Variants in HDAC4 observed in about 807,000 individuals in gnomAD.
The protein encoded by HDAC4 is histone deacetylase 4, also known as histone deacetylase A.
A neutral mutation model predicts 135.1 loss-of-function variants in HDAC4; 16 were observed. The observed-to-expected ratio is 0.12, with a 90% CI of 0.08 to 0.18. The LOEUF (loss-of-function observed/expected upper bound fraction) is 0.18. HDAC4 is among the 10% of genes least tolerant of loss of function. HDAC4 has a pLI of 1.00. For synonymous variants in HDAC4, 685 were observed against 653.4 expected (o/e 1.05, Z -0.74); for missense variants, 1,143 against 1,511.8 (o/e 0.76, Z 4.05).
At position 239,051,667 on chromosome 2, in the gene HDAC4, T is replaced by A. The variant is rs1211123908; in HGVS notation, c.*1430A>T. 1 of 152,576 alleles carries A rather than the reference T, an allele frequency of 6.6e-6. No homozygotes were observed. Among genetic ancestry groups the A allele is most frequent in the Non-Finnish European group, 1.5e-5 (1 of 68,020 alleles). The allele number at this position is 152,576 out of a possible 1,614,324, so 9.5% of individuals were successfully genotyped here. On this transcript the variant is annotated 3_prime_UTR_variant, in exon 27 of 27. Transcript: ENST00000543185. ...CGGTTCTGTTAGAAAATAATTAAAATGAAAGTACAAACTTGTAGGGTAGTT... is the reference window on the plus strand; with the variant it reads ...CGGTTCTGTTAGAAAATAATTAAAAAGAAAGTACAAACTTGTAGGGTAGTT...
At chr2:239,149,002 G>A (rs187020587) in intron 7 of HDAC4, among the ~76,000 whole-genome samples, 94 of 152,326 alleles carry the variant, frequency 6.2e-4, no homozygotes, top group Non-Finnish European at 1.2e-3. Flanking sequence ...CGTGACACAC[G>A]CTGTAATAAC....
At chr2:239,387,974 C>CA in intron 1 of HDAC4, among the ~76,000 whole-genome samples, 1 of 152,306 alleles carries the variant, frequency 6.6e-6, no homozygotes, top group Admixed American at 6.5e-5. Context: ...CCACAGGTAT[C>CA]AGACGGGAGG....
At chr2:239,064,052 G>A (rs2106553211) in intron 24 of HDAC4, among the ~76,000 whole-genome samples, 1 of 152,338 alleles carries the variant, frequency 6.6e-6, no homozygotes, top group African/African-American at 2.4e-5. Flanking sequence ...CAGAGAGACG[G>A]AGCCTCGTAG....
At chr2:239,225,219 AAAT>A (rs1353187324) in intron 3 of HDAC4, among the ~76,000 whole-genome samples, 1 of 152,242 alleles carries the variant, frequency 6.6e-6, no homozygotes. Context: ...TTTACAAATT[AAAT>A]AATACAAATT....
rs141962238 is a variant in HDAC4, at chr2:239,108,614, T to G, written c.1979-431A>C. On this transcript the variant is annotated intron_variant, in intron 14 of 26. Coordinates refer to ENST00000543185, the MANE Select transcript of HDAC4 (RefSeq NM_001378414.1). ...ACTCTAGCCCCCTACCCTCAAAGTC[T>G]GCCTGGTCCTGGACCAATAGTAACT... Among the ~76,000 whole-genome samples the G allele has an allele frequency of 6.6e-3, 1,012 of 152,304 alleles. 10 individuals carry two copies. Among genetic ancestry groups the G allele is most frequent in the African/African-American group, 0.022 (930 of 41,568 alleles).
intron 5 of HDAC4, among the ~76,000 whole-genome samples, chr2:239,174,236 C>T (rs1021711602): frequency 3.3e-5 from 5 of 152,044 alleles, no homozygotes; most frequent in African/African-American, 1.2e-4. Flanking sequence ...AGTGAACAGG[C>T]AAAGTACAGA....
intron 7 of HDAC4, among the ~76,000 whole-genome samples, chr2:239,151,368 G>A (rs2042108372): frequency 6.6e-6 from 1 of 152,216 alleles, no homozygotes; most frequent in Non-Finnish European, 1.5e-5. Context: ...CGCCAGCCTG[G>A]CCACAGGCCC....
chr2:239,160,610 G>A (rs1229019871), intron 6 of HDAC4, among the ~76,000 whole-genome samples: 2 of 152,234 alleles, frequency 1.3e-5, no homozygotes. Flanking sequence ...CGTGCCTCTG[G>A]GGCTCCCCCA....
rs56885032 is a variant in HDAC4 at position 239,122,544 on chromosome 2, G to A, written c.1533+3912C>T. Among the ~76,000 whole-genome samples the A allele has an allele frequency of 9.7e-3, 1,482 of 152,280 alleles. 34 individuals are homozygous for A. Among genetic ancestry groups the A allele is most frequent in the African/African-American group, 0.033 (1,358 of 41,540 alleles). On this transcript the variant is annotated intron_variant, in intron 12 of 26. Coordinates refer to ENST00000543185, the MANE Select transcript of HDAC4 (RefSeq NM_001378414.1). ...ATAAACACCACTGCATACAAGGCAC[G>A]GGCAACAGAAGCTGACACAGTTGGA...
At chr2:239,266,418 A>C (rs2049732437) in intron 2 of HDAC4, among the ~76,000 whole-genome samples, 1 of 152,132 alleles carries the variant, frequency 6.6e-6, no homozygotes, top group African/African-American at 2.4e-5. Context: ...GCACAGATTC[A>C]CAGCCCACCT....
intron 5 of HDAC4, among the ~76,000 whole-genome samples, chr2:239,176,004 C>A (rs1288736080): frequency 6.6e-6 from 1 of 152,094 alleles, no homozygotes; most frequent in African/African-American, 2.4e-5. Context: ...GGGTGGGGGT[C>A]CCATTCCTGG....
chr2:239,338,452 G>A (rs752421228), intron 2 of HDAC4, among the ~76,000 whole-genome samples: 15 of 152,010 alleles, frequency 9.9e-5, no homozygotes, highest in African/African-American at 3.1e-4. Flanking sequence ...TTCTCACACC[G>A]ACCTTCGTCC....
At chr2:239,120,734 AG>A (rs1235357179) in intron 12 of HDAC4, among the ~76,000 whole-genome samples, 1 of 151,918 alleles carries the variant, frequency 6.6e-6, no homozygotes, top group Non-Finnish European at 1.5e-5. Context: ...TTAGCAGCCC[AG>A]GGGCCATTCT....
rs146557293 is a variant in HDAC4 at position 239,189,867 on chromosome 2, C to T, written c.305G>A (p.Arg102Gln). The change falls in exon 4 of 27, where the codon CGG (arginine) becomes CAG (glutamine). Residue 102 changes from arginine (R) to glutamine (Q), a missense_variant. Coordinates refer to ENST00000543185, the MANE Select transcript of HDAC4 (RefSeq NM_001378414.1). ...EFQRQHEQLS[R>Q]QHEAQLHEHI... Reference sequence around the variant, plus strand: ...CTCGTGGAGCTGCGCCTCGTGCTGCCGGGAGAGCTGCTCGTGCTGCCTCTG... The same window carrying T: ...CTCGTGGAGCTGCGCCTCGTGCTGCTGGGAGAGCTGCTCGTGCTGCCTCTG... 3.1e-6 allele frequency: 5 copies of T among 1,609,400 alleles called. No homozygotes were observed. Among genetic ancestry groups the T allele is most frequent in the African/African-American group, 1.3e-5 (1 of 74,834 alleles).
intron 12 of HDAC4, among the ~76,000 whole-genome samples, chr2:239,119,337 G>A (rs2039421903): frequency 6.6e-6 from 1 of 152,206 alleles, no homozygotes; most frequent in Non-Finnish European, 1.5e-5. Flanking sequence ...AGGAGGGAGA[G>A]CAGCAGCCAG....
rs753258327 is a variant in HDAC4 at position 239,134,260 on chromosome 2, C to T, written c.1279G>A (p.Ala427Thr). 1 of 1,611,668 alleles carries T rather than the reference C, an allele frequency of 6.2e-7. No homozygotes were observed. Among genetic ancestry groups the T allele is most frequent in the Non-Finnish European group, 8.5e-7 (1 of 1,179,942 alleles). The change falls in exon 11 of 27, where the codon GCA (alanine) becomes ACA (threonine). Residue 427 changes from alanine to threonine, a missense_variant. Ala to Thr is a moderately conservative substitution (Grantham distance 58). This residue lies in a region of HDAC4 where 272 missense variants were observed against 309.7 expected (regional missense o/e 0.88). Coordinates refer to ENST00000543185, the MANE Select transcript of HDAC4 (RefSeq NM_001378414.1). ...TTGTGCTCACCTGTGACGAGGGGTG[C>T]TTGTGCCGGCGGCTGCTCCAGTAAG... Reference protein sequence around the residue: ...MVLLEQPPAQAPLVTDWYLSG... With the variant: ...MVLLEQPPAQTPLVTDWYLSG...
chr2:239,064,729 G>C (rs999106031), intron 24 of HDAC4, among the ~76,000 whole-genome samples: 1 of 152,246 alleles, frequency 6.6e-6, no homozygotes, highest in African/African-American at 2.4e-5. Context: ...GCTGTGACCA[G>C]TGGGGTTCCT....
chr2:239,273,244 T>TC (rs1467387078), intron 2 of HDAC4, among the ~76,000 whole-genome samples: 1 of 152,050 alleles, frequency 6.6e-6, no homozygotes, highest in Non-Finnish European at 1.5e-5. Context: ...CCACAGGGCC[T>TC]CGTGGATCAA....
At chr2:239,364,201 G>A (rs932991544) in intron 1 of HDAC4, among the ~76,000 whole-genome samples, 2 of 152,160 alleles carry the variant, frequency 1.3e-5, no homozygotes, top group Non-Finnish European at 2.9e-5. Context: ...ATGCCAGCCC[G>A]AGGCATCTAC....
Sources: allele counts gnomAD v4.1 joint callset (sites outside exome capture counted in the v4.1 genomes callset), GRCh38; gene constraint gnomAD v4.1.1; regional missense constraint gnomAD v4.1.1; transcripts MANE v1.5; gene names NCBI Gene and HGNC (gene_info 2026-07-23, HGNC 2026-07-21).